Variants in HMGN3 observed in about 807,000 individuals in gnomAD.
The protein encoded by HMGN3 is high mobility group nucleosomal binding domain 3.
HMGN3 carries 6 observed loss-of-function variants against 18.8 expected under a neutral mutation model. The ratio of observed to expected loss-of-function variants is 0.32; its 90% CI spans 0.18 to 0.63. The LOEUF (loss-of-function observed/expected upper bound fraction) is 0.63. Ranked by LOEUF, HMGN3 falls within the 30% of genes least tolerant of loss-of-function variation. The pLI is 0.79. For synonymous variants in HMGN3, 40 were observed against 36.5 expected, an observed-to-expected ratio of 1.10 and a Z score of -0.35; for missense variants, 107 against 114.2, an observed-to-expected ratio of 0.94 and a Z score of 0.29.
intron 1 of HMGN3, among the ~76,000 whole-genome samples, chr6:79,215,919 G>A (rs376878138): frequency 2.0e-5 from 3 of 152,096 alleles, no homozygotes; most frequent in South Asian, 2.1e-4. Context: ...GGCACAAATA[G>A]GCTGCTGATC....
intron 1 of HMGN3, among the ~76,000 whole-genome samples, chr6:79,221,638 TC>T (rs2127831781): frequency 6.6e-6 from 1 of 152,238 alleles, no homozygotes; most frequent in South Asian, 2.1e-4. Flanking sequence ...CAAGAAGGTA[TC>T]AGAAGAGTGT....
chr6:79,202,345 C>T (rs752612316), exon 5 of HMGN3: 64 of 1,614,014 alleles, frequency 4.0e-5, no homozygotes, highest in Non-Finnish European at 5.1e-5. Flanking sequence ...GCTTTTCCTC[C>T]TTCTTCCCTT....
chr6:79,227,664 G>A (rs531488351), intron 1 of HMGN3, among the ~76,000 whole-genome samples: 2 of 152,270 alleles, frequency 1.3e-5, no homozygotes, highest in South Asian at 4.2e-4. Flanking sequence ...GAGTCTTAGA[G>A]AATTAGGAAC....
chr6:79,210,456 G>A (rs1265381021), intron 2 of HMGN3, among the ~76,000 whole-genome samples: 3 of 152,150 alleles, frequency 2.0e-5, no homozygotes, highest in African/African-American at 4.8e-5. Flanking sequence ...CAACTCATGT[G>A]CACCATGCTG....
exon 5 of HMGN3, chr6:79,202,309 T>C (rs765374933): frequency 2.5e-5 from 40 of 1,614,196 alleles, no homozygotes; most frequent in Admixed American, 3.3e-5. Context: ...TTTCAGATGG[T>C]GCAGTACCTT....
At chr6:79,223,627 C>A (rs1777414683) in intron 1 of HMGN3, among the ~76,000 whole-genome samples, 1 of 152,050 alleles carries the variant, frequency 6.6e-6, no homozygotes, top group African/African-American at 2.4e-5. Context: ...AATCGCTTGA[C>A]CCTGGGAGGT....
At chr6:79,206,356 C>G (rs1776419839) in intron 3 of HMGN3, among the ~76,000 whole-genome samples, 1 of 152,126 alleles carries the variant, frequency 6.6e-6, no homozygotes, top group East Asian at 1.9e-4. Flanking sequence ...GACCCAGGGT[C>G]CCTCTGCTCT....
chr6:79,209,325 T>C (rs1252577286), intron 2 of HMGN3, among the ~76,000 whole-genome samples: 1 of 152,216 alleles, frequency 6.6e-6, no homozygotes, highest in Admixed American at 6.5e-5. Context: ...TTAACAGAAC[T>C]GTCCTAGGCA....
At chr6:79,203,867 T>G (rs1294297546) in intron 3 of HMGN3, among the ~76,000 whole-genome samples, 1 of 152,232 alleles carries the variant, frequency 6.6e-6, no homozygotes, top group African/African-American at 2.4e-5. Context: ...GCCGACTCCT[T>G]ATTCCCTGGT....
chr6:79,221,518 C>A (rs752162941), intron 1 of HMGN3, among the ~76,000 whole-genome samples: 1 of 152,178 alleles, frequency 6.6e-6, no homozygotes, highest in African/African-American at 2.4e-5. Flanking sequence ...TTCCATAGGC[C>A]ATCCATGAAG....
intron 1 of HMGN3, among the ~76,000 whole-genome samples, chr6:79,223,900 T>G (rs1777429733): frequency 6.6e-6 from 1 of 152,120 alleles, no homozygotes; most frequent in South Asian, 2.1e-4. Context: ...AAGATCTCAC[T>G]CACCTGACTA....
At chr6:79,210,997 C>T (rs1364103147) in intron 2 of HMGN3, among the ~76,000 whole-genome samples, 8 of 117,510 alleles carry the variant, frequency 6.8e-5, no homozygotes, top group Non-Finnish European at 1.0e-4. Flanking sequence ...AATAAAAAGC[C>T]TCGGAAATTA....
intron 1 of HMGN3, among the ~76,000 whole-genome samples, chr6:79,230,793 A>G (rs772544977): frequency 1.3e-5 from 2 of 151,968 alleles, no homozygotes; most frequent in Admixed American, 1.3e-4. Flanking sequence ...TTTTTTTCCC[A>G]TATTGAAATA....
chr6:79,205,443 A>G (rs1000438944), intron 3 of HMGN3, among the ~76,000 whole-genome samples: 1 of 152,242 alleles, frequency 6.6e-6, no homozygotes. Flanking sequence ...TTTTAATAAC[A>G]GGAGTTTCCC....
At chr6:79,224,498 A>G (rs1381659232) in intron 1 of HMGN3, among the ~76,000 whole-genome samples, 3 of 152,192 alleles carry the variant, frequency 2.0e-5, no homozygotes, top group Non-Finnish European at 2.9e-5. Context: ...ACAAAATTTT[A>G]GTATTATTCT....
chr6:79,214,553 A>G (rs906662237), intron 2 of HMGN3, among the ~76,000 whole-genome samples: 23 of 152,150 alleles, frequency 1.5e-4, no homozygotes, highest in African/African-American at 5.5e-4. Flanking sequence ...TTCAGAACCT[A>G]AAAAGTGACT....
intron 2 of HMGN3, among the ~76,000 whole-genome samples, chr6:79,213,957 G>A (rs982857891): frequency 7.2e-5 from 11 of 152,258 alleles, no homozygotes; most frequent in African/African-American, 1.9e-4. Flanking sequence ...CGGAATGGTT[G>A]TCATCAAAGT....
chr6:79,224,371 A>G (rs1777455637), intron 1 of HMGN3, among the ~76,000 whole-genome samples: 4 of 152,218 alleles, frequency 2.6e-5, no homozygotes. Context: ...TTTAACCTGT[A>G]GCCCTAGCCA....
intron 3 of HMGN3, among the ~76,000 whole-genome samples, chr6:79,205,744 C>T (rs1582401276): frequency 6.6e-6 from 1 of 152,282 alleles, no homozygotes; most frequent in East Asian, 1.9e-4. Context: ...GTTTGGAGCG[C>T]TCAGAAGAAG....
Sources: allele counts gnomAD v4.1 joint callset (sites outside exome capture counted in the v4.1 genomes callset), GRCh38; gene constraint gnomAD v4.1.1; transcripts MANE v1.5; gene names NCBI Gene and HGNC (gene_info 2026-07-23, HGNC 2026-07-21).